AGAP1: variants seen among roughly 807,000 people sequenced by gnomAD.
AGAP1 encodes arf-GAP with GTPase, ANK repeat and PH domain-containing protein 1.
AGAP1 carries 29 observed loss-of-function variants against 105.3 expected under a neutral mutation model. The ratio of observed to expected loss-of-function variants is 0.28; its 90% CI spans 0.21 to 0.38. AGAP1 has a LOEUF of 0.38. Ranked by LOEUF, AGAP1 falls within the 10% of genes least tolerant of loss-of-function variation. The pLI is 1.00. For missense variants in AGAP1, 998 were observed against 1,165.1 expected, an observed-to-expected ratio of 0.86 and a Z score of 2.09; for synonymous variants, 509 against 485.9, an observed-to-expected ratio of 1.05 and a Z score of -0.63.
chr2:235,674,382 G>A (rs12466302), intron 1 of AGAP1, among the ~76,000 whole-genome samples: 2 of 152,006 alleles, frequency 1.3e-5, no homozygotes, highest in Non-Finnish European at 2.9e-5. Flanking sequence ...CATTGTAGGG[G>A]GTCCCCTTGC....
intron 9 of AGAP1, among the ~76,000 whole-genome samples, chr2:235,823,156 G>A (rs1348014996): frequency 6.6e-6 from 1 of 152,072 alleles, no homozygotes; most frequent in Non-Finnish European, 1.5e-5. Flanking sequence ...TATAGTATGT[G>A]TGTACATATG....
intron 3 of AGAP1, among the ~76,000 whole-genome samples, chr2:235,735,900 C>G (rs1454880274): frequency 6.6e-6 from 1 of 151,916 alleles, no homozygotes; most frequent in Non-Finnish European, 1.5e-5. Context: ...CCGCTGTATC[C>G]CCAAGTAGCT....
chr2:235,648,365 C>T (rs1374108781), intron 1 of AGAP1, among the ~76,000 whole-genome samples: 3 of 152,200 alleles, frequency 2.0e-5, no homozygotes, highest in Non-Finnish European at 4.4e-5. Context: ...GTTGCATTCT[C>T]CCTTCATCAG....
At position 235,753,386 on chromosome 2, in the gene AGAP1, A is replaced by G. The variant is rs768196196; in HGVS notation, c.673+2898A>G. 9.2e-5 allele frequency among the ~76,000 whole-genome samples: 14 copies of G among 152,152 alleles called. 1 individual carries two copies. Among genetic ancestry groups the G allele is most frequent in the South Asian group, 2.1e-4 (1 of 4,832 alleles). ...GAGATTTCCGTTCCAGTTTCGTATT[A>G]TAGAAATAATACACTCTCATTATGT... On this transcript the variant is annotated intron_variant, in intron 6 of 17. Coordinates refer to ENST00000304032, the MANE Select transcript of AGAP1 (RefSeq NM_001037131.3). This position sits in a 1 kb window ranked among gnomAD's most constrained non-coding sequence, Gnocchi z 4.5.
At chr2:236,013,592 G>T (rs557177119) in intron 13 of AGAP1, among the ~76,000 whole-genome samples, 1 of 82,136 alleles carries the variant, frequency 1.2e-5, no homozygotes, top group Non-Finnish European at 2.2e-5. Context: ...GGGCCTGCCC[G>T]TCCAGATAAG....
Position 235,993,881 on chromosome 2 carries a change from C to G in AGAP1, c.1645+25258C>G, listed in dbSNP as rs2055677815. Among the ~76,000 whole-genome samples, 1 of 152,140 alleles carries G rather than the reference C, an allele frequency of 6.6e-6. No homozygotes were observed. The highest frequency in any genetic ancestry group is 2.4e-5 in the African/African-American group (1 of 41,426). ...CAGCAACATTCAGGACGTCCTGAGA[C>G]CTCGTCACTTCTGATTTGGGAAAAG... On this transcript the variant is annotated intron_variant, in intron 13 of 17. Coordinates refer to ENST00000304032, the MANE Select transcript of AGAP1 (RefSeq NM_001037131.3). The surrounding 1 kb of genome is among the most constrained non-coding windows in gnomAD (Gnocchi z 5.0).
chr2:236,087,405 A>G lies in AGAP1; in HGVS notation c.2115-32787A>G, dbSNP rs1320051053. Among the ~76,000 whole-genome samples, 1 of 152,206 alleles carries G rather than the reference A, an allele frequency of 6.6e-6. No homozygotes were observed. The highest frequency in any genetic ancestry group is 1.5e-5 in the Non-Finnish European group (1 of 68,034). On this transcript the variant is annotated intron_variant, in intron 16 of 17. Coordinates refer to ENST00000304032, the MANE Select transcript of AGAP1 (RefSeq NM_001037131.3). This position sits in a 1 kb window ranked among gnomAD's most constrained non-coding sequence, Gnocchi z 5.7. ...CCAAGGACAGACAACCTCGTCTTGC[A>G]GGATCATTTACCTTTTATATTATGA...
chr2:235,806,667 A>G (rs531211199), intron 8 of AGAP1, among the ~76,000 whole-genome samples: 1 of 152,154 alleles, frequency 6.6e-6, no homozygotes, highest in South Asian at 2.1e-4. Flanking sequence ...TTTCCCCTTC[A>G]TTATTTTTTG....
At chr2:235,570,252 G>A (rs879767365) in intron 1 of AGAP1, among the ~76,000 whole-genome samples, 2 of 152,166 alleles carry the variant, frequency 1.3e-5, no homozygotes, top group African/African-American at 2.4e-5. Context: ...AGCAGTCCCC[G>A]GCTAGCGGCT....
At chr2:235,590,170 C>T (rs952180506) in intron 1 of AGAP1, among the ~76,000 whole-genome samples, 1 of 152,162 alleles carries the variant, frequency 6.6e-6, no homozygotes, top group Non-Finnish European at 1.5e-5. Flanking sequence ...CGTGAGCCAC[C>T]GCGCCCGGCC....
rs189003752 is a variant in AGAP1, at chr2:235,752,778, T to C, written c.673+2290T>C. Among the ~76,000 whole-genome samples the C allele has an allele frequency of 1.6e-4, 25 of 152,350 alleles. No homozygotes were observed. The highest frequency in any genetic ancestry group is 4.6e-4 in the Admixed American group (7 of 15,296). ...CTTCTTATAAAAATAATGTTGTCAA[T>C]TAATGAATACTGGGGGTTGTCAGGA... On this transcript the variant is annotated intron_variant, in intron 6 of 17. Transcript: ENST00000304032. The surrounding 1 kb of genome is among the most constrained non-coding windows in gnomAD (Gnocchi z 4.3).
intron 9 of AGAP1, among the ~76,000 whole-genome samples, chr2:235,861,510 G>T (rs12473013): frequency 6.6e-6 from 1 of 152,096 alleles, no homozygotes; most frequent in Non-Finnish European, 1.5e-5. Context: ...GAAGGCTTTC[G>T]TAGAGGACAT....
At chr2:236,069,137 AAAG>A (rs948625389) in intron 16 of AGAP1, among the ~76,000 whole-genome samples, 5 of 152,200 alleles carry the variant, frequency 3.3e-5, no homozygotes, top group African/African-American at 1.2e-4. Context: ...AAAAAAAAAA[AAAG>A]AAAGAAATTT....
At position 235,670,721 on chromosome 2, in the gene AGAP1, C is replaced by G. The variant is rs1948358445; in HGVS notation, c.164-38458C>G. On this transcript the variant is annotated intron_variant, in intron 1 of 17. Transcript: ENST00000304032. ...CGCCACGCAGCCCGCCTCGGAGAAGCGCAACACCCTGGACGTGGGCGAGGT... is the reference window on the plus strand; with the variant it reads ...CGCCACGCAGCCCGCCTCGGAGAAGGGCAACACCCTGGACGTGGGCGAGGT... The G allele has an allele frequency of 4.9e-6, 4 of 817,596 alleles. No homozygotes were observed. In the East Asian group the frequency reaches 1.2e-4, roughly 25 times the overall value. 50.6% of individuals were successfully genotyped at this position (817,596 alleles called of 1,614,324 possible). A position where few individuals can be genotyped will look rare whatever the true frequency, so the allele number is the denominator to read the frequency against.
intron 10 of AGAP1, among the ~76,000 whole-genome samples, chr2:235,898,641 A>T (rs1486512867): frequency 6.6e-6 from 1 of 152,198 alleles, no homozygotes; most frequent in East Asian, 1.9e-4. Context: ...TTTTTATTGG[A>T]CAAGAGTGGT....
At chr2:235,987,223 T>C (rs2055352630) in intron 13 of AGAP1, among the ~76,000 whole-genome samples, 1 of 152,058 alleles carries the variant, frequency 6.6e-6, no homozygotes, top group South Asian at 2.1e-4. Context: ...CCTGGTTTAG[T>C]CTTGGTAGGA....
intron 1 of AGAP1, among the ~76,000 whole-genome samples, chr2:235,703,050 C>T (rs1177069121): frequency 6.6e-6 from 1 of 151,056 alleles, no homozygotes; most frequent in East Asian, 2.0e-4. Flanking sequence ...GCCCCAGCCT[C>T]CTGAGTAGCT....
chr2:235,818,434 C>T lies in AGAP1; in HGVS notation c.1050+11103C>T, dbSNP rs192199324. Among the ~76,000 whole-genome samples the T allele has an allele frequency of 7.9e-5, 12 of 152,072 alleles. No homozygotes were observed. In the East Asian group the frequency reaches 1.4e-3, roughly 17 times the overall value. On this transcript the variant is annotated intron_variant, in intron 9 of 17. Coordinates refer to ENST00000304032, the MANE Select transcript of AGAP1 (RefSeq NM_001037131.3). ...CCATGCCATCTGTGCTCACCATGACCGTCTTTTTTTTGTTTGTTTGTTTGT... is the reference window on the plus strand; with the variant it reads ...CCATGCCATCTGTGCTCACCATGACTGTCTTTTTTTTGTTTGTTTGTTTGT...
intron 11 of AGAP1, among the ~76,000 whole-genome samples, chr2:235,910,030 C>G (rs1039013430): frequency 6.7e-6 from 1 of 148,592 alleles, no homozygotes; most frequent in African/African-American, 2.5e-5. Flanking sequence ...AAAAAAAAAA[C>G]AGATTTCTCT....
Sources: gnomAD v4.1 joint callset for allele counts (sites outside exome capture counted in the v4.1 genomes callset) on GRCh38, gnomAD v4.1.1 for gene constraint, Gnocchi (gnomAD v3.1) non-coding constraint, MANE v1.5 for transcripts, NCBI Gene and HGNC (gene_info 2026-07-23, HGNC 2026-07-21) for gene names.